The following CETN3 variants were observed in gnomAD, a reference collection of about 807,000 sequenced individuals.
CETN3 encodes centrin 3.
Under a neutral mutation model 20.1 loss-of-function variants are expected in CETN3, and 17 were observed. The observed-to-expected ratio is 0.85, with a 90% CI of 0.58 to 1.27. The LOEUF (loss-of-function observed/expected upper bound fraction) is 1.27. Ranked by LOEUF, CETN3 falls within the 50% of genes most tolerant of loss-of-function variation. The pLI, the probability that CETN3 is intolerant of heterozygous loss-of-function variation, is 0.00. For synonymous variants in CETN3, 52 were observed against 59.7 expected (o/e 0.87, Z 0.59); for missense variants, 169 against 191.2 (o/e 0.88, Z 0.69).
intron 4 of CETN3, among the ~76,000 whole-genome samples, chr5:90,394,575 AAAG>A (rs1749096451): frequency 6.6e-6 from 1 of 151,928 alleles, no homozygotes; most frequent in South Asian, 2.1e-4. Context: ...AAAATTATAA[AAAG>A]AAGTTAAATT....
At chr5:90,406,721 A>G (rs1749453357) in intron 2 of CETN3, among the ~76,000 whole-genome samples, 1 of 151,640 alleles carries the variant, frequency 6.6e-6, no homozygotes. Context: ...GGTAGTGTAC[A>G]AGGTGAACTA....
chr5:90,406,198 TC>T (rs1431408985), intron 2 of CETN3, among the ~76,000 whole-genome samples: 2 of 152,064 alleles, frequency 1.3e-5, no homozygotes, highest in Non-Finnish European at 2.9e-5. Flanking sequence ...AGAATTATCA[TC>T]AGTCTTTCCA....
chr5:90,405,652 G>T, intron 3 of CETN3, 33 bp downstream of exon 3: 1 of 1,323,680 alleles, frequency 7.6e-7, no homozygotes, highest in Non-Finnish European at 1.1e-6. Context: ...TTTCCTAACA[G>T]CTGCTGATTA....
chr5:90,395,175 T>C (rs1002589776), intron 4 of CETN3, among the ~76,000 whole-genome samples: 11 of 152,152 alleles, frequency 7.2e-5, no homozygotes, highest in Admixed American at 7.2e-4. Context: ...GAAGGTATTA[T>C]ATGAAAATAC....
In CETN3 at chr5:90,405,543, A is replaced by T. The variant is rs1580164487; in HGVS notation, c.268+142T>A. 1.5e-5 allele frequency: 9 copies of T among 588,686 alleles called. No individual in the cohort carries two copies. The East Asian group carries it at 2.8e-4, about 18-fold the overall frequency. The allele number at this position is 588,686 out of a possible 1,614,324, so 36.5% of individuals were successfully genotyped here. A position where few individuals can be genotyped will look rare whatever the true frequency, so the allele number is the denominator to read the frequency against. ...TTTTCTTTGAAAAAAAAACCAACAAAACAAAACTGAGTAAGAGTCACATTA... is the reference window on the plus strand; with the variant it reads ...TTTTCTTTGAAAAAAAAACCAACAATACAAAACTGAGTAAGAGTCACATTA... On this transcript the variant is annotated intron_variant, in intron 3 of 4. Transcript: ENST00000283122.
intron 1 of CETN3, among the ~76,000 whole-genome samples, chr5:90,409,395 C>T (rs1749560535): frequency 6.6e-6 from 1 of 152,180 alleles, no homozygotes; most frequent in Non-Finnish European, 1.5e-5. Flanking sequence ...TAAGCCCAAC[C>T]TTCTGGCAGT....
chr5:90,396,459 T>A, intron 4 of CETN3: 2 of 1,524,370 alleles, frequency 1.3e-6, no homozygotes, highest in Admixed American at 4.0e-5. Context: ...AGTTCAAATA[T>A]ATAAAATTAT....
chr5:90,399,633 A>G (rs1749231705), intron 3 of CETN3, 84 bp from the exon 4 acceptor site: 2 of 1,096,152 alleles, frequency 1.8e-6, no homozygotes, highest in East Asian at 2.5e-5. Flanking sequence ...ATATTAGATG[A>G]GAATTAAAGC....
At chr5:90,407,625 A>C in intron 2 of CETN3, 74 bp downstream of exon 2, 1 of 1,036,808 alleles carries the variant, frequency 9.6e-7, no homozygotes, top group Admixed American at 3.9e-5. Context: ...ATTATTTAGA[A>C]ATGTAATGTA....
intron 3 of CETN3, among the ~76,000 whole-genome samples, chr5:90,399,827 CATTTATACCAT>C (rs1435510515): frequency 6.6e-6 from 1 of 152,106 alleles, no homozygotes; most frequent in African/African-American, 2.4e-5. Flanking sequence ...AAAAGGACTA[CATTTATACCAT>C]ATTTATTTAA....
At chr5:90,395,763 T>A (rs1015590252) in intron 4 of CETN3, 1 of 527,636 alleles carries the variant, frequency 1.9e-6, no homozygotes, top group Non-Finnish European at 2.4e-6. Context: ...ATGGTGTTCA[T>A]TGTACTAGTC....
intron 1 of CETN3, among the ~76,000 whole-genome samples, chr5:90,408,557 G>A (rs1356312831): frequency 6.6e-6 from 1 of 152,096 alleles, no homozygotes; most frequent in African/African-American, 2.4e-5. Context: ...TAAACCGGAG[G>A]TTAACTTCTC....
At position 90,409,632 on chromosome 5, in the gene CETN3, C is replaced by T. The variant is rs375033846; in HGVS notation, c.17+13G>A. 1.2e-6 allele frequency: 2 copies of T among 1,614,000 alleles called. No individual in the cohort carries two copies. The highest frequency in any genetic ancestry group is 1.7e-6 in the Non-Finnish European group (2 of 1,180,012). On this transcript the variant is annotated intron_variant, in intron 1 of 4. Transcript: ENST00000283122. ...CGGGGTGTGGAGAGCACTGCCGCCT[C>T]CTTATTACCGACCTCAGAGCTAAAC...
chr5:90,405,885 G>A (rs2151883996), intron 2 of CETN3, 86 bp from the exon 3 acceptor site: 6 of 774,330 alleles, frequency 7.7e-6, no homozygotes, highest in South Asian at 3.2e-5. Context: ...CTTAAGAGAT[G>A]ACAACACATT....
chr5:90,409,066 T>C (rs933751976), intron 1 of CETN3, among the ~76,000 whole-genome samples: 6 of 152,044 alleles, frequency 3.9e-5, no homozygotes, highest in African/African-American at 9.7e-5. Flanking sequence ...AACGTCTACA[T>C]AGTGGGAGAG....
chr5:90,403,659 C>G (rs1314241788), intron 3 of CETN3, among the ~76,000 whole-genome samples: 2 of 151,592 alleles, frequency 1.3e-5, no homozygotes, highest in East Asian at 3.9e-4. Context: ...ATCACGAGGT[C>G]AGGAGATCGA....
chr5:90,404,286 C>T (rs779673966), intron 3 of CETN3, among the ~76,000 whole-genome samples: 58 of 152,132 alleles, frequency 3.8e-4, no homozygotes, highest in Non-Finnish European at 7.1e-4. Flanking sequence ...AAGGTATGAA[C>T]CAAGGGAATC....
intron 3 of CETN3, among the ~76,000 whole-genome samples, chr5:90,404,991 G>A (rs548053741): frequency 6.6e-6 from 1 of 151,912 alleles, no homozygotes; most frequent in Non-Finnish European, 1.5e-5. Flanking sequence ...GAAAAAGCCT[G>A]GTCTATATAT....
chr5:90,409,345 T>A (rs1749557346), intron 1 of CETN3, among the ~76,000 whole-genome samples: 1 of 151,932 alleles, frequency 6.6e-6, no homozygotes, highest in East Asian at 1.9e-4. Context: ...GAAACAAGAG[T>A]AGAAGCCTCG....
Sources: gnomAD v4.1 joint callset for allele counts (sites outside exome capture counted in the v4.1 genomes callset) on GRCh38, gnomAD v4.1.1 for gene constraint, MANE v1.5 for transcripts, NCBI Gene and HGNC (gene_info 2026-07-23, HGNC 2026-07-21) for gene names.